ZNF875: variants seen among roughly 807,000 people sequenced by gnomAD.
ZNF875 encodes HKR1, GLI-Kruppel zinc finger family member.
In ZNF875, 14 loss-of-function variants were observed where a neutral mutation model predicts 11.2. The ratio of observed to expected loss-of-function variants is 1.26; its 90% CI spans 0.83 to 1.96. The LOEUF is 1.96. ZNF875 is among the 30% of genes most tolerant of loss of function. The probability of loss-of-function intolerance (pLI) is 0.00; values close to 1 mark genes in which losing one functional copy is unlikely to be tolerated. For missense variants in ZNF875, 752 were observed against 760.4 expected (o/e 0.99, Z 0.13); for synonymous variants, 301 against 281.1 (o/e 1.07, Z -0.71).
At chr19:37,361,507 C>G (rs1412032253) in intron 4 of ZNF875, among the ~76,000 whole-genome samples, 11 of 152,034 alleles carry the variant, frequency 7.2e-5, no homozygotes, top group Admixed American at 7.2e-4. Flanking sequence ...TTCTGTGTCT[C>G]CCTCTTTTGA....
chr19:37,339,569 C>T (rs1456397850), intron 2 of ZNF875, among the ~76,000 whole-genome samples: 1 of 96,172 alleles, frequency 1.0e-5, no homozygotes, highest in East Asian at 3.5e-4. Flanking sequence ...TTTTTTGAGA[C>T]AGAGTCTCGC....
At chr19:37,349,438 G>T (rs2037426855) in intron 4 of ZNF875, among the ~76,000 whole-genome samples, 1 of 152,116 alleles carries the variant, frequency 6.6e-6, no homozygotes, top group African/African-American at 2.4e-5. Context: ...TTTTGGGTAT[G>T]AAATGGCCTC....
rs1384001529 is a variant in ZNF875, at chr19:37,363,846, C to G, written c.*71C>G. ...TCATACTTCATCAGACACCAGAGGA[C>G]ACACACAGTGCTGTGGCTTTTTCAG... is the stretch of plus-strand genomic sequence containing the variant. On this transcript the variant is annotated 3_prime_UTR_variant, in exon 5 of 5. Transcript: ENST00000392153. The G allele has an allele frequency of 7.6e-7, 1 of 1,324,302 alleles. No individual in the cohort carries two copies. Among genetic ancestry groups the G allele is most frequent in the East Asian group, 2.3e-5 (1 of 42,904 alleles). 82.0% of individuals were successfully genotyped at this position (1,324,302 alleles called of 1,614,324 possible). A position where few individuals can be genotyped will look rare whatever the true frequency, so the allele number is the denominator to read the frequency against.
At chr19:37,345,936 C>T (rs1362773221) in intron 2 of ZNF875, among the ~76,000 whole-genome samples, 4 of 151,998 alleles carry the variant, frequency 2.6e-5, no homozygotes, top group South Asian at 2.1e-4. Flanking sequence ...AGCAGAGGTT[C>T]GTTTGAAACT....
chr19:37,333,196 T>G (rs1568575157), upstream of ZNF875, among the ~76,000 whole-genome samples: 1 of 152,150 alleles, frequency 6.6e-6, no homozygotes, highest in Admixed American at 6.6e-5. Flanking sequence ...CATCTAAACA[T>G]AGTGATTTGG....
At chr19:37,332,332 G>A (rs1281735633), upstream of ZNF875, among the ~76,000 whole-genome samples, 1 of 151,080 alleles carries the variant, frequency 6.6e-6, no homozygotes, top group South Asian at 2.1e-4. Flanking sequence ...CCCACCTTAC[G>A]AGAAACACCC....
In ZNF875 at chr19:37,349,446, C is replaced by T. The variant is rs1050359132; in HGVS notation, c.256+1574C>T. ...GATCATCTTTTGGGTATGAAATGGC[C>T]TCTCATAGTAGTTGTAATTTGATTA... On this transcript the variant is annotated intron_variant, in intron 4 of 4. Coordinates refer to ENST00000392153, the MANE Select transcript of ZNF875 (RefSeq NM_001353803.2). Among the ~76,000 whole-genome samples the T allele has an allele frequency of 6.6e-5, 10 of 152,182 alleles. No individual in the cohort carries two copies. In the East Asian group the frequency reaches 1.9e-3, roughly 29 times the overall value.
chr19:37,358,340 G>A (rs2039300049), intron 4 of ZNF875, among the ~76,000 whole-genome samples: 1 of 150,706 alleles, frequency 6.6e-6, no homozygotes, highest in Non-Finnish European at 1.5e-5. Context: ...GTAGAGATGG[G>A]GTTTCACCGT....
chr19:37,319,127 A>G (rs1217915691), intron 1 of ZNF875, among the ~76,000 whole-genome samples: 7 of 150,056 alleles, frequency 4.7e-5, no homozygotes, highest in Non-Finnish European at 8.9e-5. Flanking sequence ...GCTCACTGCA[A>G]CCTCCGCCTC....
upstream of ZNF875, chr19:37,317,087 G>GC (rs2145604623): frequency 6.6e-6 from 1 of 150,896 alleles, no homozygotes; most frequent in South Asian, 2.1e-4. Context: ...CGATTCTCCT[G>GC]CATCAGCCTC....
intron 4 of ZNF875, chr19:37,358,029 C>G (rs1177130712): frequency 5.3e-6 from 2 of 378,406 alleles, no homozygotes; most frequent in Non-Finnish European, 9.3e-6. Context: ...GATAACTCTT[C>G]TTATTTTGAG....
At chr19:37,335,064 G>T (rs2034055078) in intron 1 of ZNF875, 105 bp from the exon 2 acceptor site, 1 of 595,290 alleles carries the variant, frequency 1.7e-6, no homozygotes, top group Non-Finnish European at 3.1e-6. Context: ...GGTGATTTCT[G>T]TGACATCCCA....
intron 3 of ZNF875, 135 bp downstream of exon 3, chr19:37,347,451 A>T (rs897744372): frequency 1.2e-6 from 1 of 802,916 alleles, no homozygotes; most frequent in Non-Finnish European, 2.0e-6. Flanking sequence ...CCTCTGGGTA[A>T]ATCTGGATTT....
chr19:37,329,555 TAAG>T lies in ZNF875; in HGVS notation c.-603+5294_-603+5296del, dbSNP rs752600990. On this transcript the variant is annotated intron_variant, in intron 4 of 5. Transcript: ENST00000544914. ...ATGCAGATAAATGTTTATGTGAACATAAGAAGTCTGCATGTGTGGGTGAACTCT... is the reference window on the plus strand; with the variant it reads ...ATGCAGATAAATGTTTATGTGAACATAAGTCTGCATGTGTGGGTGAACTCT... Among the ~76,000 whole-genome samples the T allele has an allele frequency of 7.2e-4, 109 of 152,350 alleles. 1 individual carries two copies. The highest frequency in any genetic ancestry group is 1.2e-3 in the South Asian group (6 of 4,830).
rs1425469239 is a variant in ZNF875 at position 37,362,819 on chromosome 19, T to A, written c.967T>A (p.Ser323Thr). ...KDCGRGFTWK[S>T]NLFTHQRTHS... ...TTGTGGACGAGGCTTTACTTGGAAG[T>A]CGAACCTCTTTACACATCAGCGGAC... The change falls in exon 5 of 5, where the codon TCG (serine) becomes ACG (threonine). Residue 323 changes from serine (S) to threonine (T), a missense_variant. Transcript: ENST00000392153. The A allele has an allele frequency of 1.2e-6, 2 of 1,613,744 alleles. No homozygotes were observed. The highest frequency in any genetic ancestry group is 2.2e-5 in the East Asian group (1 of 44,826).
Position 37,347,413 on chromosome 19 carries a change from G to A in ZNF875, c.160+97G>A, listed in dbSNP as rs944921825. 4 of 1,204,430 alleles carry A rather than the reference G, an allele frequency of 3.3e-6. No homozygotes were observed. The African/African-American group carries it at 6.1e-5, about 18-fold the overall frequency. The allele number at this position is 1,204,430 out of a possible 1,614,324, so 74.6% of individuals were successfully genotyped here. On this transcript the variant is annotated intron_variant, in intron 3 of 4. Coordinates refer to ENST00000392153, the MANE Select transcript of ZNF875 (RefSeq NM_001353803.2). ...ACCTGCAGAGCACCTTTCCCTTAGA[G>A]TTGAGCTTGAAAACAATTTACTTTT...
intron 1 of ZNF875, among the ~76,000 whole-genome samples, chr19:37,319,086 G>A (rs2030733663): frequency 6.9e-6 from 1 of 145,398 alleles, no homozygotes; most frequent in Admixed American, 6.9e-5. Context: ...CGCTCTTGTT[G>A]CCCAGGCTGG....
At chr19:37,332,496 C>T (rs563268757), upstream of ZNF875, among the ~76,000 whole-genome samples, 23 of 152,232 alleles carry the variant, frequency 1.5e-4, no homozygotes, top group African/African-American at 5.1e-4. Flanking sequence ...GGATTACAGG[C>T]GTGAGCCACC....
At chr19:37,314,463 T>C (rs1475968964), upstream of ZNF875, among the ~76,000 whole-genome samples, 1 of 152,130 alleles carries the variant, frequency 6.6e-6, no homozygotes, top group Non-Finnish European at 1.5e-5. Context: ...AATGGAAAAT[T>C]TCCACTGAGA....
Sources: gnomAD v4.1 joint callset for allele counts (sites outside exome capture counted in the v4.1 genomes callset) on GRCh38, gnomAD v4.1.1 for gene constraint, MANE v1.5 for transcripts, NCBI Gene and HGNC (gene_info 2026-07-23, HGNC 2026-07-21) for gene names.